DYM: variants seen among roughly 807,000 people sequenced by gnomAD.
The protein encoded by DYM is dyggve-Melchior-Clausen syndrome protein.
Under a neutral mutation model 93.1 loss-of-function variants are expected in DYM, and 78 were observed. The observed-to-expected ratio is 0.84, with a 90% CI of 0.70 to 1.01. The LOEUF is 1.01. DYM is among the 50% of genes least tolerant of loss of function. The probability of loss-of-function intolerance (pLI) is 0.00; values close to 1 mark genes in which losing one functional copy is unlikely to be tolerated. For missense variants in DYM, 789 were observed against 845.0 expected, an observed-to-expected ratio of 0.93 and a Z score of 0.82; for synonymous variants, 321 against 319.7, an observed-to-expected ratio of 1.00 and a Z score of -0.04.
chr18:49,336,075 A>C (rs1009526306), intron 6 of DYM, among the ~76,000 whole-genome samples: 2 of 152,216 alleles, frequency 1.3e-5, no homozygotes, highest in African/African-American at 4.8e-5. Flanking sequence ...GGGGCTCCCA[A>C]ACTGCTGGGA....
At chr18:49,268,147 T>G (rs1448334975) in intron 11 of DYM, among the ~76,000 whole-genome samples, 5 of 152,190 alleles carry the variant, frequency 3.3e-5, no homozygotes, top group African/African-American at 4.8e-5. Flanking sequence ...CATTGGGTAT[T>G]AAGAAATGCA....
chr18:49,385,357 G>C (rs2068496720), intron 3 of DYM, among the ~76,000 whole-genome samples: 1 of 152,164 alleles, frequency 6.6e-6, no homozygotes, highest in Non-Finnish European at 1.5e-5. Context: ...TAAGAACTAG[G>C]ACAAAGAAGG....
rs544741065 is a variant in DYM at position 49,410,990 on chromosome 18, A to G, written c.140+19265T>C. Among the ~76,000 whole-genome samples the G allele has an allele frequency of 5.9e-5, 9 of 152,276 alleles. No individual in the cohort carries two copies. The East Asian group carries it at 1.7e-3, about 29-fold the overall frequency. On this transcript the variant is annotated intron_variant, in intron 2 of 17. Coordinates refer to ENST00000675505, the MANE Select transcript of DYM (RefSeq NM_001353214.3). ...TTGCATTTTGTACAGGCCTATATAC[A>G]CTATTCAAAGTTCTTTCACCTTTAT...
intron 14 of DYM, among the ~76,000 whole-genome samples, chr18:49,169,382 T>G (rs1261645014): frequency 6.6e-6 from 1 of 152,024 alleles, no homozygotes; most frequent in Non-Finnish European, 1.5e-5. Flanking sequence ...ACGAGTCCTG[T>G]GGGTGGGGGA....
At chr18:49,368,527 T>G (rs1383546484) in intron 5 of DYM, 1 of 152,236 alleles carries the variant, frequency 6.6e-6, no homozygotes, top group African/African-American at 2.4e-5. Flanking sequence ...CTAATAAGGT[T>G]AAATTATTAA....
intron 6 of DYM, among the ~76,000 whole-genome samples, chr18:49,355,538 AACACCT>A (rs76809003): frequency 0.1 from 15,851 of 152,078 alleles, 1,019 homozygotes; most frequent in East Asian, 0.3. Flanking sequence ...ATAGAAGATA[AACACCT>A]ACACCTACAG....
At chr18:49,270,626 C>G (rs969367337) in intron 11 of DYM, among the ~76,000 whole-genome samples, 1 of 152,104 alleles carries the variant, frequency 6.6e-6, no homozygotes, top group African/African-American at 2.4e-5. Context: ...TGCTAATTTA[C>G]CTGACTATAG....
At chr18:49,075,547 G>C (rs984088647) in intron 17 of DYM, among the ~76,000 whole-genome samples, 3 of 152,074 alleles carry the variant, frequency 2.0e-5, no homozygotes, top group African/African-American at 4.8e-5. Context: ...ACAGGGAATC[G>C]ATGGCAGAGT....
chr18:49,427,376 G>A (rs1018516978), intron 2 of DYM, among the ~76,000 whole-genome samples: 2 of 152,012 alleles, frequency 1.3e-5, no homozygotes, highest in African/African-American at 4.8e-5. Context: ...GGTGGGAAGT[G>A]GACACCTATA....
intron 1 of DYM, among the ~76,000 whole-genome samples, chr18:49,438,430 A>C (rs1375604436): frequency 3.3e-5 from 5 of 152,224 alleles, no homozygotes. Flanking sequence ...ACAGGCGGCC[A>C]GAAGCTGTGA....
chr18:49,312,875 T>C (rs2061684824), intron 8 of DYM, among the ~76,000 whole-genome samples: 1 of 152,012 alleles, frequency 6.6e-6, no homozygotes, highest in Admixed American at 6.5e-5. Context: ...ACAGCAAAGG[T>C]AGAATAGAAG....
At chr18:49,090,681 C>T (rs357886) in intron 17 of DYM, among the ~76,000 whole-genome samples, 93,708 of 151,850 alleles carry the variant, frequency 0.62, 31,440 homozygotes, top group Non-Finnish European at 0.75. Context: ...TAGAGCCTGA[C>T]AGGCCCTCCA....
intron 15 of DYM, among the ~76,000 whole-genome samples, chr18:49,130,974 G>A (rs1417407705): frequency 6.6e-6 from 1 of 152,186 alleles, no homozygotes; most frequent in African/African-American, 2.4e-5. Flanking sequence ...GAACCTTTTT[G>A]AGCCTCAGCT....
At chr18:49,123,346 C>A (rs2082542698) in intron 15 of DYM, among the ~76,000 whole-genome samples, 1 of 152,168 alleles carries the variant, frequency 6.6e-6, no homozygotes, top group South Asian at 2.1e-4. Flanking sequence ...TGCAATCATA[C>A]TAAAGACAGT....
chr18:49,428,162 A>G (rs2074467287), intron 2 of DYM, among the ~76,000 whole-genome samples: 1 of 151,900 alleles, frequency 6.6e-6, no homozygotes, highest in Non-Finnish European at 1.5e-5. Context: ...CATTCAGTGA[A>G]AGAAGCCAGT....
chr18:49,424,011 A>T (rs905008433), intron 2 of DYM, among the ~76,000 whole-genome samples: 13 of 152,254 alleles, frequency 8.5e-5, no homozygotes, highest in African/African-American at 1.9e-4. Flanking sequence ...TATTCCAATC[A>T]ATAGAAAAAG....
intron 13 of DYM, among the ~76,000 whole-genome samples, chr18:49,245,500 G>C (rs976383498): frequency 6.6e-6 from 1 of 152,170 alleles, no homozygotes. Flanking sequence ...TCTGTCTTAT[G>C]CCGTTGAGAT....
intron 2 of DYM, among the ~76,000 whole-genome samples, chr18:49,414,758 T>C (rs1191557603): frequency 6.6e-6 from 1 of 152,228 alleles, no homozygotes; most frequent in South Asian, 2.1e-4. Flanking sequence ...CCTAAAGCTA[T>C]TGCTCTCCAT....
chr18:49,130,414 C>T (rs2083276249), intron 15 of DYM, among the ~76,000 whole-genome samples: 1 of 152,102 alleles, frequency 6.6e-6, no homozygotes, highest in Non-Finnish European at 1.5e-5. Context: ...ACCTCGGATT[C>T]GAATGTCCTA....
Sources: gnomAD v4.1 joint callset for allele counts (sites outside exome capture counted in the v4.1 genomes callset) on GRCh38, gnomAD v4.1.1 for gene constraint, MANE v1.5 for transcripts, NCBI Gene and HGNC (gene_info 2026-07-23, HGNC 2026-07-21) for gene names.